GNAZ: variants seen among roughly 807,000 people sequenced by gnomAD.
GNAZ encodes the protein G protein subunit alpha z.
In GNAZ, 3 loss-of-function variants were observed where a neutral mutation model predicts 25.4. The ratio of observed to expected loss-of-function variants is 0.12; its 90% CI spans 0.05 to 0.30. GNAZ has a LOEUF of 0.30. Among genes scored for constraint, GNAZ ranks in the 10% least tolerant of loss-of-function variants. GNAZ has a pLI of 1.00. For synonymous variants in GNAZ, 211 were observed against 205.7 expected (o/e 1.03, Z -0.22); for missense variants, 241 against 501.8 (o/e 0.48, Z 4.97).
At chr22:23,107,177 C>T (rs2069507321) in intron 2 of GNAZ, among the ~76,000 whole-genome samples, 1 of 152,196 alleles carries the variant, frequency 6.6e-6, no homozygotes, top group African/African-American at 2.4e-5. Context: ...CTACAGTTGT[C>T]ACCAGGCATA....
chr22:23,102,066 G>A (rs2069317359), intron 2 of GNAZ, among the ~76,000 whole-genome samples: 1 of 152,222 alleles, frequency 6.6e-6, no homozygotes, highest in Non-Finnish European at 1.5e-5. Flanking sequence ...TGGCCTAGAG[G>A]CCCCACCAAC....
intron 2 of GNAZ, chr22:23,122,658 A>G (rs1030687085): frequency 1.1e-4 from 21 of 188,570 alleles, no homozygotes; most frequent in African/African-American, 4.7e-4. Context: ...TGAGGGAGCT[A>G]TGATGTGACG....
In GNAZ at chr22:23,085,050, C is replaced by T. The variant is rs1339549021; in HGVS notation, c.-449-10197C>T. On this transcript the variant is annotated intron_variant, in intron 1 of 2. Coordinates refer to ENST00000615612, the MANE Select transcript of GNAZ (RefSeq NM_002073.4). Reference sequence around the variant, plus strand: ...TAGGTGGGGAGCCTCATCTGGAGCCCCTGAGTTTTCTGGAGGCAGCTCTCA... The same window carrying T: ...TAGGTGGGGAGCCTCATCTGGAGCCTCTGAGTTTTCTGGAGGCAGCTCTCA... Among the ~76,000 whole-genome samples the T allele has an allele frequency of 2.0e-5, 3 of 152,120 alleles. No individual in the cohort carries two copies. The East Asian group carries it at 5.8e-4, about 29-fold the overall frequency.
chr22:23,100,451 C>T (rs1282510180), intron 2 of GNAZ, among the ~76,000 whole-genome samples: 1 of 152,210 alleles, frequency 6.6e-6, no homozygotes, highest in African/African-American at 2.4e-5. Context: ...GTGAGGGTAT[C>T]CAGGGGACGG....
chr22:23,103,599 C>T lies in GNAZ; in HGVS notation c.723+7181C>T, dbSNP rs541236656. 9.9e-5 allele frequency among the ~76,000 whole-genome samples: 15 copies of T among 152,246 alleles called. No individual in the cohort carries two copies. The South Asian group carries it at 1.9e-3, about 19-fold the overall frequency. On this transcript the variant is annotated intron_variant, in intron 2 of 2. Transcript: ENST00000615612. Reference sequence around the variant, plus strand: ...CTGCCTCCCTCCCGCTCTTCCTCGGCAGATTTAAGAGAATCCTACTCCACA... The same window carrying T: ...CTGCCTCCCTCCCGCTCTTCCTCGGTAGATTTAAGAGAATCCTACTCCACA...
At chr22:23,117,213 C>T (rs915907994) in intron 2 of GNAZ, among the ~76,000 whole-genome samples, 3 of 150,250 alleles carry the variant, frequency 2.0e-5, no homozygotes, top group African/African-American at 7.4e-5. Context: ...ACAGAGGGAC[C>T]GGCTGTAAGG....
At chr22:23,122,654 A>C in intron 2 of GNAZ, 1 of 183,588 alleles carries the variant, frequency 5.4e-6, no homozygotes. Context: ...GCATTGAGGG[A>C]GCTATGATGT....
At chr22:23,106,019 G>T (rs1057403037) in intron 2 of GNAZ, among the ~76,000 whole-genome samples, 1 of 152,154 alleles carries the variant, frequency 6.6e-6, no homozygotes, top group Non-Finnish European at 1.5e-5. Flanking sequence ...AGGCCCTTTC[G>T]GAGCAAATGC....
chr22:23,092,373 C>T (rs542841545), intron 1 of GNAZ, among the ~76,000 whole-genome samples: 10 of 152,262 alleles, frequency 6.6e-5, no homozygotes, highest in Non-Finnish European at 7.4e-5. Context: ...CGTGGTGCCC[C>T]TGCACAGGGC....
chr22:23,096,060 C>G lies in GNAZ; in HGVS notation c.365C>G (p.Pro122Arg), dbSNP rs758676841. Residue 122 changes from proline to arginine, a missense_variant, in exon 2 of 3, where the codon CCC becomes CGC. Coordinates refer to ENST00000615612, the MANE Select transcript of GNAZ (RefSeq NM_002073.4). ...GCTGAGAGCAAGGGCGAGATCACAC[C>G]CGAGCTGCTGGGTGTCATGCGACGG... ...GPAESKGEIT[P>R]ELLGVMRRLW... 6.2e-7 allele frequency: 1 copy of G among 1,607,732 alleles called. No individual in the cohort carries two copies. Among genetic ancestry groups the G allele is most frequent in the Non-Finnish European group, 8.5e-7 (1 of 1,179,948 alleles).
intron 1 of GNAZ, among the ~76,000 whole-genome samples, chr22:23,073,731 C>G (rs765870151): frequency 6.6e-6 from 1 of 152,274 alleles, no homozygotes; most frequent in South Asian, 2.1e-4. Flanking sequence ...GAACCTCACG[C>G]GATTCATCCA....
In GNAZ at chr22:23,113,971, C is replaced by A. The variant is rs766482713; in HGVS notation, c.724-9116C>A. 1.8e-4 allele frequency among the ~76,000 whole-genome samples: 28 copies of A among 152,238 alleles called. 1 individual carries two copies. Among genetic ancestry groups the A allele is most frequent in the Non-Finnish European group, 3.4e-4 (23 of 68,032 alleles). On this transcript the variant is annotated intron_variant, in intron 2 of 2. Transcript: ENST00000615612. ...CACCCTGCCCAGCAGACAGGCAGCC[C>A]CACCAAGGTGTCCCCAAGCTTCCAC...
In GNAZ at chr22:23,080,573, G is replaced by A. The variant is rs145367063; in HGVS notation, c.-450+10003G>A. Among the ~76,000 whole-genome samples the A allele has an allele frequency of 3.3e-3, 497 of 152,346 alleles. 2 individuals are homozygous for A. Among genetic ancestry groups the A allele is most frequent in the African/African-American group, 0.011 (472 of 41,580 alleles). ...AGGACCTGTTTCTAAGGTGAGACCC[G>A]TTGCGGATCTGCAGGTGCAAGGCCC... On this transcript the variant is annotated intron_variant, in intron 1 of 2. Coordinates refer to ENST00000615612, the MANE Select transcript of GNAZ (RefSeq NM_002073.4).
intron 1 of GNAZ, among the ~76,000 whole-genome samples, chr22:23,082,140 A>C (rs528445679): frequency 0.015 from 2,264 of 151,898 alleles, 21 homozygotes; most frequent in Non-Finnish European, 0.023. Flanking sequence ...AAAAACAAAA[A>C]AAAAAAACAC....
intron 1 of GNAZ, among the ~76,000 whole-genome samples, chr22:23,082,487 G>A (rs2068712461): frequency 6.6e-6 from 1 of 151,480 alleles, no homozygotes; most frequent in Admixed American, 6.6e-5. Flanking sequence ...CCAAAGTGCT[G>A]GGATTACAGG....
At chr22:23,088,263 G>A (rs999601359) in intron 1 of GNAZ, among the ~76,000 whole-genome samples, 9 of 152,204 alleles carry the variant, frequency 5.9e-5, no homozygotes, top group African/African-American at 1.4e-4. Context: ...ACCCCAGTGC[G>A]TTTCCTCCTG....
intron 1 of GNAZ, among the ~76,000 whole-genome samples, chr22:23,072,941 A>G (rs2068415754): frequency 6.6e-6 from 1 of 152,222 alleles, no homozygotes. Flanking sequence ...AGGTAACTGG[A>G]TTGACTTCAC....
At chr22:23,098,521 C>T (rs1280750225) in intron 2 of GNAZ, among the ~76,000 whole-genome samples, 1 of 152,238 alleles carries the variant, frequency 6.6e-6, no homozygotes, top group Non-Finnish European at 1.5e-5. Flanking sequence ...TCAGGGATCC[C>T]TGTGAGGTTC....
In GNAZ at chr22:23,096,139, C is replaced by G; in HGVS notation, c.444C>G (p.His148Gln). ...QACFSRSSEYHLEDNAAYYLN... is the reference protein window; with the variant it reads ...QACFSRSSEYQLEDNAAYYLN... The stretch of plus-strand genomic sequence containing the variant: ...GCTTCAGCCGCTCCAGCGAGTACCA[C>G]CTGGAGGACAACGCGGCCTACTACC... Residue 148 changes from histidine to glutamine, a missense_variant, in exon 2 of 3, where the codon CAC (histidine) becomes CAG (glutamine). His to Gln is a conservative substitution (Grantham distance 24). Transcript: ENST00000615612. 6.2e-7 allele frequency: 1 copy of G among 1,612,628 alleles called. No homozygotes were observed. The highest frequency in any genetic ancestry group is 8.5e-7 in the Non-Finnish European group (1 of 1,179,910).
Sources: allele counts gnomAD v4.1 joint callset (sites outside exome capture counted in the v4.1 genomes callset), GRCh38; gene constraint gnomAD v4.1.1; transcripts MANE v1.5; gene names NCBI Gene and HGNC (gene_info 2026-07-23, HGNC 2026-07-21).